Variants in CACNG2 observed in about 807,000 individuals in gnomAD.
CACNG2 encodes the protein calcium voltage-gated channel auxiliary subunit gamma 2, also known as voltage-dependent calcium channel gamma-2 subunit.
CACNG2 carries 3 observed loss-of-function variants against 25.9 expected under a neutral mutation model. The observed-to-expected ratio is 0.12, with a 90% CI of 0.05 to 0.30. The LOEUF (loss-of-function observed/expected upper bound fraction) is 0.30. Among genes scored for constraint, CACNG2 ranks in the 10% least tolerant of loss-of-function variants. The probability of loss-of-function intolerance (pLI) is 1.00; values close to 1 mark genes in which losing one functional copy is unlikely to be tolerated. For synonymous variants in CACNG2, 167 were observed against 173.3 expected, an observed-to-expected ratio of 0.96 and a Z score of 0.29; for missense variants, 341 against 432.5, an observed-to-expected ratio of 0.79 and a Z score of 1.88.
chr22:36,624,021 A>G (rs932128500), intron 1 of CACNG2, among the ~76,000 whole-genome samples: 2 of 152,108 alleles, frequency 1.3e-5, no homozygotes, highest in Non-Finnish European at 2.9e-5. Context: ...ACAGTTCCTA[A>G]GCGGCGACTC....
intron 1 of CACNG2, among the ~76,000 whole-genome samples, chr22:36,661,815 C>T (rs1057382066): frequency 1.3e-5 from 2 of 152,120 alleles, no homozygotes; most frequent in African/African-American, 4.8e-5. Context: ...TCTCCATCCT[C>T]ACTCCCATGG....
rs564678728 is a variant in CACNG2, at chr22:36,601,384, A to G, written c.212-13836T>C. On this transcript the variant is annotated intron_variant, in intron 1 of 3. Transcript: ENST00000300105. ...AGAAATAATATTCCATTGTATGTAA[A>G]CACCACAGTTTCTTTATTCATTCAT... Among the ~76,000 whole-genome samples the G allele has an allele frequency of 3.9e-5, 6 of 152,342 alleles. No homozygotes were observed. In the South Asian group the frequency reaches 1.2e-3, roughly 32 times the overall value.
intron 3 of CACNG2, 128 bp downstream of exon 3, chr22:36,566,225 C>T (rs1440446771): frequency 7.3e-6 from 7 of 963,604 alleles, no homozygotes; most frequent in Non-Finnish European, 1.1e-5. Context: ...CCCTGCAACA[C>T]GACCTAGTGC....
chr22:36,638,685 T>G (rs944428121), intron 1 of CACNG2, among the ~76,000 whole-genome samples: 2 of 152,184 alleles, frequency 1.3e-5, no homozygotes, highest in East Asian at 3.8e-4. Flanking sequence ...ACATTTCCAT[T>G]TGTGATATTG....
intron 1 of CACNG2, among the ~76,000 whole-genome samples, chr22:36,694,693 C>T (rs1054641123): frequency 6.6e-6 from 1 of 152,142 alleles, no homozygotes; most frequent in East Asian, 1.9e-4. Context: ...CTTTAGGGTC[C>T]CCTGCTAGGA....
At chr22:36,629,841 A>G (rs1315639144) in intron 1 of CACNG2, among the ~76,000 whole-genome samples, 1 of 152,224 alleles carries the variant, frequency 6.6e-6, no homozygotes, top group Admixed American at 6.5e-5. Context: ...AGAGTGAGCA[A>G]GTAAACAAAT....
chr22:36,590,341 TCTC>T (rs1430127478), intron 1 of CACNG2, among the ~76,000 whole-genome samples: 1 of 152,148 alleles, frequency 6.6e-6, no homozygotes, highest in Non-Finnish European at 1.5e-5. Flanking sequence ...CTATTTGACA[TCTC>T]CTGGTGGATG....
At chr22:36,618,132 A>C (rs1936049339) in intron 1 of CACNG2, among the ~76,000 whole-genome samples, 2 of 152,240 alleles carry the variant, frequency 1.3e-5, no homozygotes, top group Non-Finnish European at 2.9e-5. Context: ...CTCTGGGTCC[A>C]GGACACTGCC....
At chr22:36,657,490 T>G (rs73884125) in intron 1 of CACNG2, among the ~76,000 whole-genome samples, 3,269 of 152,256 alleles carry the variant, frequency 0.021, 122 homozygotes, top group African/African-American at 0.076. Context: ...AGAAGAGGTG[T>G]GCACGTTGCT....
intron 1 of CACNG2, among the ~76,000 whole-genome samples, chr22:36,595,177 G>A (rs1935660580): frequency 6.6e-6 from 1 of 152,070 alleles, no homozygotes; most frequent in Admixed American, 6.6e-5. Flanking sequence ...GTGGAGGGTT[G>A]AGAAGGGCTT....
intron 1 of CACNG2, among the ~76,000 whole-genome samples, chr22:36,660,331 C>T (rs368538141): frequency 1.3e-5 from 2 of 152,256 alleles, no homozygotes; most frequent in African/African-American, 4.8e-5. Context: ...GAGCCGGGCC[C>T]GTGACCATGG....
intron 2 of CACNG2, among the ~76,000 whole-genome samples, 195 bp downstream of exon 2, chr22:36,587,270 G>A (rs746650625): frequency 6.6e-5 from 10 of 152,110 alleles, no homozygotes; most frequent in Non-Finnish European, 1.0e-4. Flanking sequence ...AGACAAAGAC[G>A]GGCAGGGAAG....
At chr22:36,660,649 C>T (rs567669851) in intron 1 of CACNG2, among the ~76,000 whole-genome samples, 11 of 152,316 alleles carry the variant, frequency 7.2e-5, no homozygotes, top group Middle Eastern at 6.8e-3. Flanking sequence ...GTGAGGCGGG[C>T]GGGGCGGGGC....
chr22:36,587,845 G>A (rs1042191981), intron 1 of CACNG2, among the ~76,000 whole-genome samples: 6 of 152,242 alleles, frequency 3.9e-5, no homozygotes, highest in Non-Finnish European at 8.8e-5. Flanking sequence ...TTGATTCCGA[G>A]CTGGGGACTG....
At chr22:36,626,183 G>A (rs1468919243) in intron 1 of CACNG2, among the ~76,000 whole-genome samples, 1 of 152,230 alleles carries the variant, frequency 6.6e-6, no homozygotes, top group Non-Finnish European at 1.5e-5. Context: ...GCCTCCCAAA[G>A]TGCTGGGATT....
At chr22:36,643,200 CTCCTTCCT>C (rs993716666) in intron 1 of CACNG2, among the ~76,000 whole-genome samples, 2 of 141,422 alleles carry the variant, frequency 1.4e-5, no homozygotes, top group African/African-American at 5.3e-5. Context: ...TCCTTTCTTT[CTCCTTCCT>C]TCCTTCCTTG....
At position 36,568,553 on chromosome 22, in the gene CACNG2, C is replaced by T. The variant is rs189958896; in HGVS notation, c.296-2060G>A. Among the ~76,000 whole-genome samples, 454 of 151,814 alleles carry T rather than the reference C, an allele frequency of 3.0e-3. 3 individuals carry two copies. The highest frequency in any genetic ancestry group is 0.017 in the Middle Eastern group (5 of 294). On this transcript the variant is annotated intron_variant, in intron 2 of 3. Coordinates refer to ENST00000300105, the MANE Select transcript of CACNG2 (RefSeq NM_006078.5). ...CCAAGTAGGTGGGACTACAGGTGTG[C>T]GCCATCACACCTGGCTAGTTTTTGT...
intron 1 of CACNG2, among the ~76,000 whole-genome samples, chr22:36,673,966 C>T (rs1317066053): frequency 6.6e-6 from 1 of 152,166 alleles, no homozygotes; most frequent in African/African-American, 2.4e-5. Context: ...GTAACGGGGT[C>T]CCCTGTGACT....
At chr22:36,678,146 G>C (rs183638690) in intron 1 of CACNG2, among the ~76,000 whole-genome samples, 8 of 152,280 alleles carry the variant, frequency 5.3e-5, no homozygotes, top group African/African-American at 1.9e-4. Flanking sequence ...TGGCATTCTA[G>C]GTAAAATGAG....
Sources: allele counts gnomAD v4.1 joint callset (sites outside exome capture counted in the v4.1 genomes callset), GRCh38; gene constraint gnomAD v4.1.1; transcripts MANE v1.5; gene names NCBI Gene and HGNC (gene_info 2026-07-23, HGNC 2026-07-21).